CPEB2: variants seen among roughly 807,000 people sequenced by gnomAD.
CPEB2 encodes cytoplasmic polyadenylation element binding protein 2.
CPEB2 carries 56 observed loss-of-function variants against 93.6 expected under a neutral mutation model. That is an observed-to-expected ratio of 0.60 (90% CI 0.48 to 0.75). CPEB2 has a LOEUF of 0.75. Ranked by LOEUF, CPEB2 falls within the 30% of genes least tolerant of loss-of-function variation. The pLI is 0.00. For synonymous variants in CPEB2, 764 were observed against 586.3 expected, an observed-to-expected ratio of 1.30 and a Z score of -4.38; for missense variants, 1,579 against 1,395.1, an observed-to-expected ratio of 1.13 and a Z score of -2.10.
Position 15,002,654 on chromosome 4 carries a change from C to G in CPEB2, c.-20C>G. The G allele has an allele frequency of 6.8e-7, 1 of 1,480,122 alleles. No individual in the cohort carries two copies. Among genetic ancestry groups the G allele is most frequent in the Middle Eastern group, 1.9e-4 (1 of 5,242 alleles). The allele number at this position is 1,480,122 out of a possible 1,614,324, so 91.7% of individuals were successfully genotyped here. ...GCAGGGGACGAGGAGCGTCTCCTCCCGCTGCCGGCGGCCTGATAAATGAGG... is the reference window on the plus strand; with the variant it reads ...GCAGGGGACGAGGAGCGTCTCCTCCGGCTGCCGGCGGCCTGATAAATGAGG... On this transcript the variant is annotated 5_prime_UTR_variant, in exon 1 of 12. Coordinates refer to ENST00000538197, the MANE Select transcript of CPEB2 (RefSeq NM_001177382.2).
intron 4 of CPEB2, among the ~76,000 whole-genome samples, chr4:15,018,550 G>C (rs889680915): frequency 2.7e-5 from 4 of 149,800 alleles, no homozygotes; most frequent in East Asian, 2.0e-4. Flanking sequence ...ATAGGGTCTT[G>C]GTCTTTTTCA....
intron 11 of CPEB2, among the ~76,000 whole-genome samples, chr4:15,062,952 T>C (rs1729336008): frequency 6.6e-6 from 1 of 152,096 alleles, no homozygotes. Context: ...CTAGCATTCA[T>C]TTACAAATCT....
intron 6 of CPEB2, among the ~76,000 whole-genome samples, chr4:15,049,837 ATAAAC>A (rs1377889588): frequency 3.3e-5 from 5 of 152,154 alleles, no homozygotes; most frequent in African/African-American, 1.2e-4. Flanking sequence ...GTTGTGTCTT[ATAAAC>A]TAAATTTTTA....
chr4:15,003,860 A>T lies in CPEB2; in HGVS notation c.1187A>T (p.Gln396Leu). 1.2e-6 allele frequency: 1 copy of T among 844,114 alleles called. No homozygotes were observed. The highest frequency in any genetic ancestry group is 1.6e-6 in the Non-Finnish European group (1 of 638,986). 52.3% of individuals were successfully genotyped at this position (844,114 alleles called of 1,614,324 possible). Residue 396 changes from glutamine to leucine, a missense_variant, in exon 1 of 12, where the codon CAG (glutamine) becomes CTG (leucine). By Grantham distance (113) the Gln-to-Leu change is moderately radical. This residue lies in a region of CPEB2 where 1,411 missense variants were observed against 1,056.0 expected (regional missense o/e 1.34). Transcript: ENST00000538197. ...QTASPPPQPQ[Q>L]PPPTQPQQQP... The stretch of plus-strand genomic sequence containing the variant: ...GCGTCGCCGCCACCCCAGCCCCAGC[A>T]GCCGCCGCCGACCCAGCCGCAGCAG...
chr4:15,054,200 C>A lies in CPEB2; in HGVS notation c.2444C>A (p.Ser815Tyr). The change falls in exon 8 of 12, where the codon TCC becomes TAC. Residue 815 changes from serine to tyrosine, a missense_variant. Around this residue, in one of 2 missense-constraint regions of CPEB2, gnomAD observed 168 missense variants for 339.1 expected, o/e 0.50. Coordinates refer to ENST00000538197, the MANE Select transcript of CPEB2 (RefSeq NM_001177382.2). ...TGGCCTCATAAAGCAGAAAGCAAGT[C>A]CTATTTTCCACCAAAAGGTAAGGAT... ...VDWPHKAESKSYFPPKGYAFL... is the reference protein window; with the variant it reads ...VDWPHKAESKYYFPPKGYAFL... 1 of 1,609,262 alleles carries A rather than the reference C, an allele frequency of 6.2e-7. No homozygotes were observed. Among genetic ancestry groups the A allele is most frequent in the Non-Finnish European group, 8.5e-7 (1 of 1,177,670 alleles).
At chr4:15,011,860 A>G (rs2108969109) in intron 3 of CPEB2, among the ~76,000 whole-genome samples, 1 of 152,306 alleles carries the variant, frequency 6.6e-6, no homozygotes, top group Non-Finnish European at 1.5e-5. Context: ...AATTATCAAT[A>G]TATCAACTCT....
rs1354041324 is a variant in CPEB2 at position 15,069,105 on chromosome 4, A to G, written c.*2725A>G. ...CCCTAAATATTCATATTGCTGCCCA[A>G]AAGTATGACTGTGGAGGAAAAAAAA... On this transcript the variant is annotated 3_prime_UTR_variant, in exon 12 of 12. Coordinates refer to ENST00000538197, the MANE Select transcript of CPEB2 (RefSeq NM_001177382.2). The G allele has an allele frequency of 6.6e-6, 1 of 152,108 alleles. No homozygotes were observed. The highest frequency in any genetic ancestry group is 2.4e-5 in the African/African-American group (1 of 41,390). 9.4% of individuals were successfully genotyped at this position (152,108 alleles called of 1,614,324 possible). A position where few individuals can be genotyped will look rare whatever the true frequency, so the allele number is the denominator to read the frequency against.
chr4:15,028,245 A>G (rs1208797404), intron 4 of CPEB2, among the ~76,000 whole-genome samples: 2 of 152,146 alleles, frequency 1.3e-5, no homozygotes, highest in Non-Finnish European at 2.9e-5. Flanking sequence ...AAAGAGCAAT[A>G]AGCAGGACTT....
chr4:15,046,022 A>C (rs1022228535), intron 6 of CPEB2, among the ~76,000 whole-genome samples: 7 of 152,148 alleles, frequency 4.6e-5, no homozygotes, highest in African/African-American at 1.7e-4. Context: ...TGTTTGAGTT[A>C]TACATTTGGT....
intron 5 of CPEB2, among the ~76,000 whole-genome samples, chr4:15,033,431 G>A (rs1164942241): frequency 6.6e-6 from 1 of 152,136 alleles, no homozygotes; most frequent in Non-Finnish European, 1.5e-5. Context: ...CAGTGATCAC[G>A]GACTTGGAGG....
intron 4 of CPEB2, among the ~76,000 whole-genome samples, chr4:15,024,622 ATACGTACCTTCC>A (rs1024109016): frequency 2.0e-5 from 3 of 151,988 alleles, no homozygotes; most frequent in African/African-American, 7.3e-5. Flanking sequence ...GTGTATGTGC[ATACGTACCTTCC>A]TTCCTGCCTT....
rs1217558903 is a variant in CPEB2, at chr4:15,004,236, G to C, written c.1563G>C (p.Pro521=). 17 of 1,478,292 alleles carry C rather than the reference G, an allele frequency of 1.1e-5. No homozygotes were observed. In the East Asian group the frequency reaches 4.7e-4, roughly 40 times the overall value. 91.6% of individuals were successfully genotyped at this position (1,478,292 alleles called of 1,614,324 possible). A position where few individuals can be genotyped will look rare whatever the true frequency, so the allele number is the denominator to read the frequency against. Residue 521 remains proline (P), a synonymous_variant, in exon 1 of 12, where the codon CCG becomes CCC. Transcript: ENST00000538197. ...QPPPPAAPQQ[P]QSRRSPVSPQ... ...CGCCGCCCGCGGCGCCGCAGCAGCC[G>C]CAGAGCCGGAGGTCGCCCGTCAGCC...
In CPEB2 at chr4:15,004,341, G is replaced by A. The variant is rs1403500036; in HGVS notation, c.1662+6G>A. The A allele has an allele frequency of 9.0e-6, 13 of 1,441,484 alleles. No homozygotes were observed. Among genetic ancestry groups the A allele is most frequent in the South Asian group, 5.5e-5 (4 of 72,598 alleles). 89.3% of individuals were successfully genotyped at this position (1,441,484 alleles called of 1,614,324 possible). On this transcript the variant is annotated splice_donor_region_variant and intron_variant, in intron 1 of 11. Coordinates refer to ENST00000538197, the MANE Select transcript of CPEB2 (RefSeq NM_001177382.2). ...ACTCCTATAACCACCACCAGGTACG[G>A]CGGGCGGCGGCCTGGCCGCGCCGCG...
chr4:15,022,054 T>TTG (rs1212222461), intron 4 of CPEB2, among the ~76,000 whole-genome samples: 3 of 152,112 alleles, frequency 2.0e-5, no homozygotes, highest in Non-Finnish European at 4.4e-5. Context: ...AAAGTCTCCA[T>TTG]TGTGAGAACT....
intron 8 of CPEB2, 100 bp from the exon 9 acceptor site, chr4:15,058,321 G>GTTTT: frequency 1.7e-6 from 1 of 571,748 alleles, no homozygotes. Flanking sequence ...TTGATAGTTT[G>GTTTT]TTTTTTTTTT....
chr4:15,007,526 T>C lies in CPEB2; in HGVS notation c.1884T>C (p.Ser628=). Residue 628 remains serine (S), a synonymous_variant, in exon 2 of 12, where the codon TCT becomes TCC. Transcript: ENST00000538197. ...CAACTCCATCACTGACTCCAAAATCTTGGATTGAAGATAATGTGTTCAGAA... is the reference window on the plus strand; with the variant it reads ...CAACTCCATCACTGACTCCAAAATCCTGGATTGAAGATAATGTGTTCAGAA... ...TRSTPSLTPK[S]WIEDNVFRTD... 1 of 1,613,912 alleles carries C rather than the reference T, an allele frequency of 6.2e-7. No individual in the cohort carries two copies. Among genetic ancestry groups the C allele is most frequent in the Non-Finnish European group, 8.5e-7 (1 of 1,179,818 alleles).
chr4:15,018,889 G>A (rs1369553640), intron 4 of CPEB2, among the ~76,000 whole-genome samples: 1 of 145,746 alleles, frequency 6.9e-6, no homozygotes, highest in Non-Finnish European at 1.5e-5. Context: ...AACGTAAAAA[G>A]AGGACATTGA....
Position 15,040,479 on chromosome 4 carries a change from G to A in CPEB2, c.2192G>A (p.Arg731Gln), listed in dbSNP as rs898133091. 10 of 1,536,454 alleles carry A rather than the reference G, an allele frequency of 6.5e-6. No homozygotes were observed. The highest frequency in any genetic ancestry group is 2.4e-5 in the East Asian group (1 of 40,982). ...TTACATGCAGCAAGGAGTTATGGGC[G>A]AAGACGAGGTAATTCATTTCTGTTT... ...LLMLNARSYG[R>Q]RRGRSSLFPI... The change falls in exon 6 of 12, where the codon CGA becomes CAA. Residue 731 changes from arginine to glutamine, a missense_variant. Arg to Gln is a conservative substitution (Grantham distance 43). Coordinates refer to ENST00000538197, the MANE Select transcript of CPEB2 (RefSeq NM_001177382.2).
Position 15,003,486 on chromosome 4 carries a change from C to G in CPEB2, c.813C>G (p.Ala271=). ...AGCTCCCTCCCTCGCCGCCTGCAGC[C>G]CCGCGGCGCCGCCACGGAGGCGCGG... is the stretch of plus-strand genomic sequence containing the variant. ...LPQLPPSPPA[A]PRRRHGGAGS... The change falls in exon 1 of 12, where the codon GCC becomes GCG. Residue 271 remains alanine, a synonymous_variant. Coordinates refer to ENST00000538197, the MANE Select transcript of CPEB2 (RefSeq NM_001177382.2). 2 of 1,399,940 alleles carry G rather than the reference C, an allele frequency of 1.4e-6. No individual in the cohort carries two copies. Among genetic ancestry groups the G allele is most frequent in the Non-Finnish European group, 9.2e-7 (1 of 1,081,810 alleles). 86.7% of individuals were successfully genotyped at this position (1,399,940 alleles called of 1,614,324 possible).
Sources: allele counts gnomAD v4.1 joint callset (sites outside exome capture counted in the v4.1 genomes callset), GRCh38; gene constraint gnomAD v4.1.1; regional missense constraint gnomAD v4.1.1; transcripts MANE v1.5; gene names NCBI Gene and HGNC (gene_info 2026-07-23, HGNC 2026-07-21).